ZNF10: variants seen among roughly 807,000 people sequenced by gnomAD.
ZNF10 encodes zinc finger protein 10.
Under a neutral mutation model 12.2 loss-of-function variants are expected in ZNF10, and 8 were observed. The observed-to-expected ratio is 0.66, with a 90% CI of 0.39 to 1.18. The LOEUF is 1.18. Ranked by LOEUF, ZNF10 falls within the 50% of genes most tolerant of loss-of-function variation. The pLI is 0.01. For missense variants in ZNF10, 603 were observed against 678.9 expected (o/e 0.89, Z 1.24); for synonymous variants, 229 against 228.2 (o/e 1.00, Z -0.03).
At chr12:133,151,929 T>C (rs774937488) in intron 4 of ZNF10, 25 bp downstream of exon 4, 2 of 1,599,392 alleles carry the variant, frequency 1.3e-6, no homozygotes, top group Non-Finnish European at 8.6e-7. Context: ...AGAGTTGTCA[T>C]AGGCAGCAGC....
intron 1 of ZNF10, among the ~76,000 whole-genome samples, chr12:133,141,533 A>G (rs888227033): frequency 1.5e-4 from 23 of 152,356 alleles, no homozygotes; most frequent in African/African-American, 4.3e-4. Context: ...TTCTAGGGAG[A>G]AAACCTATAT....
At chr12:133,147,689 T>G (rs1178363678) in intron 2 of ZNF10, among the ~76,000 whole-genome samples, 2 of 146,242 alleles carry the variant, frequency 1.4e-5, no homozygotes, top group African/African-American at 5.0e-5. Context: ...ATCAGCTCAC[T>G]GCAACGTTTG....
rs952056134 is a variant in ZNF10 at position 133,143,154 on chromosome 12, A to G, written c.-59-1280A>G. ...GTAGAACAGGCAAATTCATAGAGAC[A>G]GAACGTAGATTAGGGGCTTCCAGGG... On this transcript the variant is annotated intron_variant, in intron 1 of 4. Transcript: ENST00000248211. Among the ~76,000 whole-genome samples, 3 of 152,204 alleles carry G rather than the reference A, an allele frequency of 2.0e-5. No individual in the cohort carries two copies. In the East Asian group the frequency reaches 5.8e-4, roughly 29 times the overall value.
At chr12:133,149,967 A>G (rs925177273) in intron 2 of ZNF10, among the ~76,000 whole-genome samples, 2 of 152,208 alleles carry the variant, frequency 1.3e-5, no homozygotes, top group African/African-American at 4.8e-5. Context: ...TACTACTTCA[A>G]GCAAAATCTA....
chr12:133,156,076 G>A lies in ZNF10; in HGVS notation c.830G>A (p.Arg277His), dbSNP rs765122510. The change falls in exon 5 of 5, where the codon CGC becomes CAC. Residue 277 changes from arginine (R) to histidine (H), a missense_variant. Around this residue, in one of 3 missense-constraint regions of ZNF10, gnomAD observed 393 missense variants for 399.7 expected, o/e 0.98. Transcript: ENST00000248211. ...CKECGKFFSW[R>H]SNLTRHQLIH... ...GAATGTGGAAAATTCTTCAGCTGGC[G>A]CTCTAATCTTACTAGGCATCAGCTT... 4.3e-6 allele frequency: 7 copies of A among 1,613,282 alleles called. No individual in the cohort carries two copies. Among genetic ancestry groups the A allele is most frequent in the South Asian group, 3.3e-5 (3 of 91,056 alleles).
chr12:133,130,991 G>A (rs1955871305), intron 1 of ZNF10: 1 of 152,248 alleles, frequency 6.6e-6, no homozygotes, highest in Admixed American at 6.5e-5. Flanking sequence ...CCTGGAGATT[G>A]ACGCAGAGTG....
chr12:133,143,429 G>A (rs551734160), intron 1 of ZNF10: 1 of 151,992 alleles, frequency 6.6e-6, no homozygotes, highest in African/African-American at 2.4e-5. Flanking sequence ...TGTACCATAT[G>A]GCTCTTTAAA....
In ZNF10 at chr12:133,146,243, C is replaced by T. The variant is rs115124303; in HGVS notation, c.33+1718C>T. ...CCCATCTGTCAAGGTACCTCCATTA[C>T]GTCACCACCACTGCACTGGGGCAAC... On this transcript the variant is annotated intron_variant, in intron 2 of 4. Coordinates refer to ENST00000248211, the MANE Select transcript of ZNF10 (RefSeq NM_015394.5). Among the ~76,000 whole-genome samples the T allele has an allele frequency of 2.1e-3, 320 of 152,300 alleles. 1 individual carries two copies. The highest frequency in any genetic ancestry group is 7.3e-3 in the African/African-American group (305 of 41,574).
At position 133,159,376 on chromosome 12, in the gene ZNF10, CAT is replaced by C. The variant is rs1314547180; in HGVS notation, c.*2409_*2410del. On this transcript the variant is annotated 3_prime_UTR_variant, in exon 5 of 5. Coordinates refer to ENST00000248211, the MANE Select transcript of ZNF10 (RefSeq NM_015394.5). ...AAGTTTGGTAAAGGAAAAATGCTGT[CAT>C]GTGTTACAAAAGCATGATAAATAAT... is the stretch of plus-strand genomic sequence containing the variant. 11 of 152,166 alleles carry C rather than the reference CAT, an allele frequency of 7.2e-5. No individual in the cohort carries two copies. The East Asian group carries it at 7.7e-4, about 11-fold the overall frequency. 9.4% of individuals were successfully genotyped at this position (152,166 alleles called of 1,614,324 possible).
chr12:133,145,027 C>T (rs949524346), intron 2 of ZNF10: 6 of 324,120 alleles, frequency 1.9e-5, no homozygotes, highest in African/African-American at 9.1e-5. Context: ...GGACTACAGG[C>T]GTGTGCCACT....
intron 2 of ZNF10, among the ~76,000 whole-genome samples, chr12:133,145,660 T>A (rs1349752496): frequency 6.6e-6 from 1 of 150,854 alleles, no homozygotes; most frequent in African/African-American, 2.4e-5. Context: ...AATACAAAAA[T>A]AAGCAAGCCA....
At position 133,157,034 on chromosome 12, in the gene ZNF10, G is replaced by A; in HGVS notation, c.*66G>A. The A allele has an allele frequency of 7.6e-7, 1 of 1,316,294 alleles. No homozygotes were observed. The highest frequency in any genetic ancestry group is 9.9e-7 in the Non-Finnish European group (1 of 1,011,790). 81.5% of individuals were successfully genotyped at this position (1,316,294 alleles called of 1,614,324 possible). On this transcript the variant is annotated 3_prime_UTR_variant, in exon 5 of 5. Transcript: ENST00000248211. ...TGCATTGGAGAACTCCTGGAGATAA[G>A]CTGTACAAATTGAATCTATGTGGAA...
At position 133,155,560 on chromosome 12, in the gene ZNF10, A is replaced by T; in HGVS notation, c.314A>T (p.Asp105Val). The T allele has an allele frequency of 6.2e-7, 1 of 1,603,664 alleles. No individual in the cohort carries two copies. The highest frequency in any genetic ancestry group is 1.1e-5 in the South Asian group (1 of 88,198). The change falls in exon 5 of 5, where the codon GAT (aspartate) becomes GTT (valine). Residue 105 changes from aspartate (D) to valine (V), a missense_variant. Coordinates refer to ENST00000248211, the MANE Select transcript of ZNF10 (RefSeq NM_015394.5). Reference sequence around the variant, plus strand: ...GTTTCCAGCAGGAGCATTTTTAAAGATAAGCAATCCTGTGACATTAAAATG... The same window carrying T: ...GTTTCCAGCAGGAGCATTTTTAAAGTTAAGCAATCCTGTGACATTAAAATG... ...SSVSSRSIFK[D>V]KQSCDIKMEG... is the part of the protein sequence containing the mutation.
intron 2 of ZNF10, among the ~76,000 whole-genome samples, chr12:133,146,715 G>A (rs544301854): frequency 2.6e-5 from 4 of 152,012 alleles, no homozygotes; most frequent in Middle Eastern, 3.4e-3. Flanking sequence ...GCACAGTGGC[G>A]GGCGCCTATA....
chr12:133,149,658 CT>C lies in ZNF10; in HGVS notation c.34-1359del, dbSNP rs113572430. Among the ~76,000 whole-genome samples the C allele has an allele frequency of 3.9e-3, 555 of 141,704 alleles. 3 individuals are homozygous for C. The highest frequency in any genetic ancestry group is 0.012 in the African/African-American group (485 of 39,006). 93.0% of individuals were successfully genotyped at this position (141,704 alleles called of 152,430 possible). On this transcript the variant is annotated intron_variant, in intron 2 of 4. Transcript: ENST00000248211. ...AGGTGTGAGCCACTGCACCCGGTTG[CT>C]TTTTTTTTTTCTTGATAAAGTTTGG...
In ZNF10 at chr12:133,151,859, G is replaced by C. The variant is rs1222623679; in HGVS notation, c.211G>C (p.Glu71Gln). Residue 71 changes from glutamate to glutamine, a missense_variant, in exon 4 of 5, where the codon GAG (glutamate) becomes CAG (glutamine). Transcript: ENST00000248211. ...DVILRLEKGEEPWLVEREIHQ... is the reference protein window; with the variant it reads ...DVILRLEKGEQPWLVEREIHQ... ...GATCCTCCGGTTGGAGAAGGGAGAA[G>C]AGCCCTGGCTGGTGGAGAGAGAAAT... The C allele has an allele frequency of 6.2e-7, 1 of 1,613,658 alleles. No homozygotes were observed. The highest frequency in any genetic ancestry group is 8.5e-7 in the Non-Finnish European group (1 of 1,179,718).
intron 1 of ZNF10, among the ~76,000 whole-genome samples, chr12:133,134,144 CA>C (rs35470467): frequency 0.04 from 2,737 of 68,028 alleles, 67 homozygotes; most frequent in African/African-American, 0.096. Context: ...ACTAAAAATA[CA>C]AAAAAAAAAA....
chr12:133,143,524 C>T (rs1955958395), intron 1 of ZNF10: 1 of 151,948 alleles, frequency 6.6e-6, no homozygotes, highest in South Asian at 2.1e-4. Flanking sequence ...TTACAGGAAA[C>T]ATTAAAGAAT....
At chr12:133,154,327 G>A (rs945209733) in intron 4 of ZNF10, among the ~76,000 whole-genome samples, 10 of 152,146 alleles carry the variant, frequency 6.6e-5, no homozygotes, top group South Asian at 2.1e-4. Context: ...TTCTAAGAGC[G>A]TATGGGTCAG....
Sources: gnomAD v4.1 joint callset for allele counts (sites outside exome capture counted in the v4.1 genomes callset) on GRCh38, gnomAD v4.1.1 for gene constraint, gnomAD v4.1.1 regional missense constraint, MANE v1.5 for transcripts, NCBI Gene and HGNC (gene_info 2026-07-23, HGNC 2026-07-21) for gene names.